Variants in SLC18A2 observed in about 807,000 individuals in gnomAD.
SLC18A2 encodes the protein synaptic vesicular amine transporter.
In SLC18A2, 33 loss-of-function variants were observed where a neutral mutation model predicts 59.2. That is an observed-to-expected ratio of 0.56 (90% CI 0.42 to 0.75). The LOEUF is 0.75. SLC18A2 is among the 30% of genes least tolerant of loss of function. The pLI is 0.00. For synonymous variants in SLC18A2, 228 were observed against 253.5 expected (o/e 0.90, Z 0.95); for missense variants, 569 against 668.6 (o/e 0.85, Z 1.64).
chr10:117,262,900 G>A (rs1340251354), intron 10 of SLC18A2, among the ~76,000 whole-genome samples: 1 of 152,078 alleles, frequency 6.6e-6, no homozygotes. Flanking sequence ...AAGATGTTTT[G>A]TGCTCATCCT....
chr10:117,266,950 G>T (rs1029384811), intron 11 of SLC18A2, 34 bp from the exon 12 acceptor site: 3 of 1,604,922 alleles, frequency 1.9e-6, no homozygotes, highest in South Asian at 2.2e-5. Context: ...AAAATCAAAT[G>T]ATCATTTCTT....
At chr10:117,263,985 C>T (rs377486520) in intron 10 of SLC18A2, among the ~76,000 whole-genome samples, 7 of 152,272 alleles carry the variant, frequency 4.6e-5, no homozygotes, top group East Asian at 1.9e-4. Context: ...GGTTCTAGGC[C>T]GAGCCCTTGG....
chr10:117,254,246 GC>G, intron 5 of SLC18A2, 115 bp downstream of exon 5: 1 of 1,204,658 alleles, frequency 8.3e-7, no homozygotes, highest in Non-Finnish European at 1.2e-6. Context: ...CTTGGAGAAG[GC>G]ACCCACTTTC....
intron 3 of SLC18A2, among the ~76,000 whole-genome samples, chr10:117,247,447 C>A (rs1242732894): frequency 6.6e-6 from 1 of 152,158 alleles, no homozygotes; most frequent in Admixed American, 6.5e-5. Context: ...TTCCGACTGT[C>A]CCATTTCAAG....
chr10:117,260,637 T>A (rs1326928172), intron 10 of SLC18A2, among the ~76,000 whole-genome samples: 1 of 152,250 alleles, frequency 6.6e-6, no homozygotes, highest in Non-Finnish European at 1.5e-5. Context: ...TTCTTTTTAA[T>A]GGTTGCATAT....
At chr10:117,259,910 T>TC (rs1246255758) in intron 10 of SLC18A2, among the ~76,000 whole-genome samples, 1 of 152,194 alleles carries the variant, frequency 6.6e-6, no homozygotes, top group African/African-American at 2.4e-5. Context: ...CTTGAATGAA[T>TC]CCCCCTATTT....
intron 15 of SLC18A2, 48 bp downstream of exon 15, chr10:117,270,511 T>C (rs1447388589): frequency 2.5e-6 from 4 of 1,600,960 alleles, no homozygotes; most frequent in East Asian, 4.5e-5. Context: ...AATTTTAGCA[T>C]GGCCTTCCTG....
At chr10:117,241,644 C>T (rs371832657) in intron 1 of SLC18A2, 35 bp from the exon 2 acceptor site, 1 of 1,512,200 alleles carries the variant, frequency 6.6e-7, no homozygotes, top group Admixed American at 2.1e-5. Flanking sequence ...GGGTCCACGG[C>T]CGCCTTGGGT....
intron 15 of SLC18A2, among the ~76,000 whole-genome samples, chr10:117,272,262 A>G (rs576827640): frequency 1.8e-4 from 27 of 152,292 alleles, no homozygotes; most frequent in Middle Eastern, 3.4e-3. Flanking sequence ...TCAGTCCAGC[A>G]ATACCTGAAT....
rs879703648 is a variant in SLC18A2, at chr10:117,278,579, TAC to T, written c.*1314_*1315del. On this transcript the variant is annotated 3_prime_UTR_variant, in exon 16 of 16. Transcript: ENST00000644641. ...GTGCAGTGTGGAATGTCTCTAATAC[TAC>T]TTGTGAATCCTGCAGTTCTATAATC... is the stretch of plus-strand genomic sequence containing the variant. 1.3e-5 allele frequency: 2 copies of T among 152,210 alleles called. No homozygotes were observed. Among genetic ancestry groups the T allele is most frequent in the Non-Finnish European group, 2.9e-5 (2 of 68,036 alleles). The allele number at this position is 152,210 out of a possible 1,614,324, so 9.4% of individuals were successfully genotyped here.
chr10:117,276,530 C>T (rs1184534996), intron 15 of SLC18A2, among the ~76,000 whole-genome samples: 1 of 142,720 alleles, frequency 7.0e-6, no homozygotes, highest in Non-Finnish European at 1.5e-5. Flanking sequence ...GGGAGGGTTG[C>T]TTGAACCCAG....
intron 9 of SLC18A2, among the ~76,000 whole-genome samples, chr10:117,256,957 C>T (rs1452728380): frequency 2.6e-5 from 4 of 152,094 alleles, no homozygotes; most frequent in South Asian, 2.1e-4. Flanking sequence ...GGACTGTCAT[C>T]GACACTTCCA....
At chr10:117,247,417 G>A (rs534381344) in intron 3 of SLC18A2, among the ~76,000 whole-genome samples, 74 of 152,280 alleles carry the variant, frequency 4.9e-4, no homozygotes, top group African/African-American at 1.7e-3. Flanking sequence ...CCACAACAGT[G>A]GCAGGACTGT....
chr10:117,255,632 G>A lies in SLC18A2; in HGVS notation c.870G>A (p.Lys290=), dbSNP rs775393381. Residue 290 remains lysine, a synonymous_variant, in exon 9 of 16, where the codon AAG becomes AAA. Coordinates refer to ENST00000644641, the MANE Select transcript of SLC18A2 (RefSeq NM_003054.6). ...QKGTPLTTLL[K]DPYILIAAGS... Reference sequence around the variant, plus strand: ...GGACACCCCTAACCACGCTGCTGAAGGACCCGTACATCCTCATTGCTGCAG... The same window carrying A: ...GGACACCCCTAACCACGCTGCTGAAAGACCCGTACATCCTCATTGCTGCAG... 5.0e-6 allele frequency: 8 copies of A among 1,613,868 alleles called. No homozygotes were observed. The highest frequency in any genetic ancestry group is 2.2e-5 in the East Asian group (1 of 44,864).
chr10:117,253,198 G>A (rs1255749668), intron 3 of SLC18A2, among the ~76,000 whole-genome samples: 3 of 152,132 alleles, frequency 2.0e-5, no homozygotes, highest in African/African-American at 4.8e-5. Context: ...TGTTCACAGT[G>A]GCAGTCCATA....
At chr10:117,273,776 T>A (rs1307004723) in intron 15 of SLC18A2, among the ~76,000 whole-genome samples, 3 of 152,232 alleles carry the variant, frequency 2.0e-5, no homozygotes, top group Non-Finnish European at 4.4e-5. Flanking sequence ...CACTCTTATC[T>A]TTTAATGCTT....
intron 15 of SLC18A2, among the ~76,000 whole-genome samples, chr10:117,273,564 T>G (rs1178081721): frequency 6.6e-6 from 1 of 152,186 alleles, no homozygotes; most frequent in Non-Finnish European, 1.5e-5. Flanking sequence ...CTGGATGCCA[T>G]GCGTGGGGCA....
At chr10:117,272,989 C>A (rs1323895827) in intron 15 of SLC18A2, among the ~76,000 whole-genome samples, 1 of 152,204 alleles carries the variant, frequency 6.6e-6, no homozygotes, top group Admixed American at 6.5e-5. Flanking sequence ...TCAGGATGAG[C>A]AGTTGCCAAA....
intron 10 of SLC18A2, among the ~76,000 whole-genome samples, chr10:117,265,989 C>T (rs1326544055): frequency 6.7e-6 from 1 of 150,158 alleles, no homozygotes; most frequent in Non-Finnish European, 1.5e-5. Flanking sequence ...ACTTGGGAGG[C>T]TGAGGCAAGA....
Sources: gnomAD v4.1 joint callset for allele counts (sites outside exome capture counted in the v4.1 genomes callset) on GRCh38, gnomAD v4.1.1 for gene constraint, MANE v1.5 for transcripts, NCBI Gene and HGNC (gene_info 2026-07-23, HGNC 2026-07-21) for gene names.